BMPR1A: variants seen among roughly 807,000 people sequenced by gnomAD.
BMPR1A encodes the protein bone morphogenetic protein receptor type-1A.
A neutral mutation model predicts 66.0 loss-of-function variants in BMPR1A; 7 were observed. The observed-to-expected ratio is 0.11, with a 90% CI of 0.06 to 0.20. The LOEUF (loss-of-function observed/expected upper bound fraction) is 0.20. Among genes scored for constraint, BMPR1A ranks in the 10% least tolerant of loss-of-function variants. The probability of loss-of-function intolerance (pLI) is 1.00; values close to 1 mark genes in which losing one functional copy is unlikely to be tolerated. For missense variants in BMPR1A, 408 were observed against 669.1 expected (o/e 0.61, Z 4.31); for synonymous variants, 200 against 229.7 (o/e 0.87, Z 1.17).
chr10:86,869,323 T>G (rs1437153347), intron 2 of BMPR1A, among the ~76,000 whole-genome samples: 7 of 151,524 alleles, frequency 4.6e-5, no homozygotes, highest in Non-Finnish European at 8.8e-5. Flanking sequence ...CTGGACGTGG[T>G]GGTGCGTACC....
At chr10:86,810,967 A>C (rs1357387139) in intron 1 of BMPR1A, among the ~76,000 whole-genome samples, 1 of 152,178 alleles carries the variant, frequency 6.6e-6, no homozygotes, top group Non-Finnish European at 1.5e-5. Context: ...GGCGGGTCTT[A>C]AACTCCTGAT....
chr10:86,792,635 A>T (rs1199503027), intron 1 of BMPR1A, among the ~76,000 whole-genome samples: 4 of 152,146 alleles, frequency 2.6e-5, no homozygotes, highest in African/African-American at 9.7e-5. Context: ...GTCTCTATAA[A>T]ACAAACAAAC....
intron 5 of BMPR1A, among the ~76,000 whole-genome samples, chr10:86,899,535 G>T (rs1323307656): frequency 6.6e-6 from 1 of 152,148 alleles, no homozygotes; most frequent in East Asian, 1.9e-4. Context: ...GTTTATGATT[G>T]TAATTACCTA....
chr10:86,854,789 T>A (rs1842616970), intron 2 of BMPR1A: 1 of 246,022 alleles, frequency 4.1e-6, no homozygotes, highest in Non-Finnish European at 8.7e-6. Context: ...CAGTTTCTTT[T>A]TCCAAGTTCT....
downstream of BMPR1A, chr10:86,930,764 C>T (rs1027227355): frequency 6.6e-6 from 1 of 152,174 alleles, no homozygotes; most frequent in African/African-American, 2.4e-5. Context: ...CAGTCTTGCA[C>T]TGTCACCCAG....
At chr10:86,915,327 G>A (rs1843550537) in intron 8 of BMPR1A, among the ~76,000 whole-genome samples, 1 of 152,004 alleles carries the variant, frequency 6.6e-6, no homozygotes, top group African/African-American at 2.4e-5. Context: ...CACCACGCCT[G>A]GCCAAAAAGT....
chr10:86,763,940 G>A lies in BMPR1A; in HGVS notation c.-268+7021G>A, dbSNP rs1403461589. ...TGAGTAGCTGGGACCACAGGAGCCCGCCACCACGCCTAGCTAATTTTTTCT... is the reference window on the plus strand; with the variant it reads ...TGAGTAGCTGGGACCACAGGAGCCCACCACCACGCCTAGCTAATTTTTTCT... On this transcript the variant is annotated intron_variant, in intron 1 of 12. Coordinates refer to ENST00000372037, the MANE Select transcript of BMPR1A (RefSeq NM_004329.3). Among the ~76,000 whole-genome samples, 3 of 151,926 alleles carry A rather than the reference G, an allele frequency of 2.0e-5. No homozygotes were observed. The East Asian group carries it at 5.8e-4, about 29-fold the overall frequency.
intron 2 of BMPR1A, among the ~76,000 whole-genome samples, chr10:86,860,227 A>G (rs1842694949): frequency 6.6e-6 from 1 of 152,226 alleles, no homozygotes; most frequent in Non-Finnish European, 1.5e-5. Context: ...CTAGATAACA[A>G]TGAAAATGAA....
At chr10:86,916,172 G>A (rs1843565285) in intron 8 of BMPR1A, among the ~76,000 whole-genome samples, 1 of 152,228 alleles carries the variant, frequency 6.6e-6, no homozygotes. Context: ...TAAGTCAAAC[G>A]AGGTTTGTGG....
chr10:86,835,748 G>A (rs1842337871), intron 1 of BMPR1A, among the ~76,000 whole-genome samples: 1 of 151,960 alleles, frequency 6.6e-6, no homozygotes, highest in African/African-American at 2.4e-5. Context: ...TGCATGGGTA[G>A]TGAGCTTTAA....
At chr10:86,829,289 G>T (rs1033053189) in intron 1 of BMPR1A, among the ~76,000 whole-genome samples, 1 of 151,924 alleles carries the variant, frequency 6.6e-6, no homozygotes, top group African/African-American at 2.4e-5. Context: ...AATATATCTC[G>T]TATAGTCCTT....
At chr10:86,796,365 A>C (rs1451323460) in intron 1 of BMPR1A, among the ~76,000 whole-genome samples, 2 of 152,038 alleles carry the variant, frequency 1.3e-5, no homozygotes, top group Admixed American at 6.6e-5. Flanking sequence ...CCATTAAGAA[A>C]TACTATTTTT....
intron 3 of BMPR1A, among the ~76,000 whole-genome samples, chr10:86,888,826 C>CAAAAAAAA (rs11353145): frequency 4.7e-5 from 4 of 85,484 alleles, no homozygotes; most frequent in African/African-American, 1.4e-4. Context: ...GACCATGTCT[C>CAAAAAAAA]AAAAAAAAAA....
chr10:86,892,658 G>T (rs1843169315), intron 5 of BMPR1A, among the ~76,000 whole-genome samples: 1 of 151,764 alleles, frequency 6.6e-6, no homozygotes, highest in Non-Finnish European at 1.5e-5. Context: ...CAAACTCCTG[G>T]GCTCAAGCAG....
At position 86,790,191 on chromosome 10, in the gene BMPR1A, ATATATATATATATATATATATATAT is replaced by A. The variant is rs1841591125; in HGVS notation, c.-268+33273_-268+33297del. On this transcript the variant is annotated intron_variant, in intron 1 of 12. Transcript: ENST00000372037. ...AAAAAAAAAAAAAAAAAAAAAAAAT[ATATATATATATATATATATATATAT>A]ATATATATATATATATATATCAAAA... is the stretch of plus-strand genomic sequence containing the variant. Among the ~76,000 whole-genome samples, 23 of 9,312 alleles carry A rather than the reference ATATATATATATATATATATATATAT, an allele frequency of 2.5e-3. 3 individuals are homozygous for A. The highest frequency in any genetic ancestry group is 6.8e-3 in the African/African-American group (10 of 1,476). 6.1% of individuals were successfully genotyped at this position (9,312 alleles called of 152,430 possible).
intron 2 of BMPR1A, among the ~76,000 whole-genome samples, chr10:86,846,628 G>A (rs1456483396): frequency 6.6e-6 from 1 of 152,044 alleles, no homozygotes; most frequent in Non-Finnish European, 1.5e-5. Flanking sequence ...ATGAACCCTG[G>A]AGGTGGAGGT....
At chr10:86,839,592 CAAAAAAA>C (rs1210538965) in intron 2 of BMPR1A, among the ~76,000 whole-genome samples, 24 of 73,056 alleles carry the variant, frequency 3.3e-4, no homozygotes, top group Admixed American at 1.3e-3. Context: ...GACTCTGTCT[CAAAAAAA>C]AAAAAAAAAA....
chr10:86,860,274 TCA>T lies in BMPR1A; in HGVS notation c.-152-15590_-152-15589del, dbSNP rs1275250899. On this transcript the variant is annotated intron_variant, in intron 2 of 12. Coordinates refer to ENST00000372037, the MANE Select transcript of BMPR1A (RefSeq NM_004329.3). ...TACAAGTATCTATCATGGAAATACT[TCA>T]CAGTGTTATGTGAACAAAATTAAAG... 2.6e-5 allele frequency among the ~76,000 whole-genome samples: 4 copies of T among 152,190 alleles called. No homozygotes were observed. The East Asian group carries it at 5.8e-4, about 22-fold the overall frequency.
intron 1 of BMPR1A, among the ~76,000 whole-genome samples, chr10:86,775,863 G>A (rs1433545802): frequency 1.3e-5 from 2 of 151,986 alleles, no homozygotes; most frequent in African/African-American, 4.8e-5. Flanking sequence ...TGTACAGATG[G>A]CATCATGCAT....
Sources: allele counts gnomAD v4.1 joint callset (sites outside exome capture counted in the v4.1 genomes callset), GRCh38; gene constraint gnomAD v4.1.1; transcripts MANE v1.5; gene names NCBI Gene and HGNC (gene_info 2026-07-23, HGNC 2026-07-21).